Variants in NRG1 observed in about 807,000 individuals in gnomAD.
NRG1 encodes the protein neuregulin 1, also known as pro-neuregulin-1, membrane-bound isoform.
In NRG1, 18 loss-of-function variants were observed where a neutral mutation model predicts 63.8. The observed-to-expected ratio is 0.28, with a 90% CI of 0.19 to 0.42. The LOEUF (loss-of-function observed/expected upper bound fraction) is 0.42. NRG1 is among the 10% of genes least tolerant of loss of function. The pLI is 1.00. For synonymous variants in NRG1, 302 were observed against 301.3 expected (o/e 1.00, Z -0.02); for missense variants, 762 against 814.7 (o/e 0.94, Z 0.79).
At chr8:31,921,951 G>T (rs1286416336) in intron 1 of NRG1, among the ~76,000 whole-genome samples, 2 of 152,080 alleles carry the variant, frequency 1.3e-5, no homozygotes, top group Non-Finnish European at 2.9e-5. Flanking sequence ...TGAAGGAAAA[G>T]AAATTTCTCT....
At chr8:32,045,036 T>C (rs1469982878) in intron 1 of NRG1, among the ~76,000 whole-genome samples, 1 of 151,630 alleles carries the variant, frequency 6.6e-6, no homozygotes, top group Non-Finnish European at 1.5e-5. Flanking sequence ...AACAGGTGGT[T>C]CTTGAAAGAG....
intron 1 of NRG1, among the ~76,000 whole-genome samples, chr8:32,535,419 T>C (rs913834194): frequency 1.3e-5 from 2 of 152,350 alleles, no homozygotes; most frequent in South Asian, 4.1e-4. Context: ...TTCACCTTCA[T>C]GATTGGTGTT....
chr8:32,320,065 C>T (rs541342281), intron 1 of NRG1, among the ~76,000 whole-genome samples: 48 of 152,186 alleles, frequency 3.2e-4, no homozygotes, highest in Admixed American at 2.5e-3. Flanking sequence ...AAGAGCTGTA[C>T]GACTGTGAGC....
intron 1 of NRG1, among the ~76,000 whole-genome samples, chr8:32,082,464 T>C (rs1043721084): frequency 2.1e-4 from 32 of 152,090 alleles, no homozygotes; most frequent in African/African-American, 7.0e-4. Flanking sequence ...TGAGAACATG[T>C]AGTATTTGGT....
chr8:32,684,357 C>G (rs1477772698), intron 5 of NRG1, among the ~76,000 whole-genome samples: 1 of 152,064 alleles, frequency 6.6e-6, no homozygotes, highest in East Asian at 1.9e-4. Flanking sequence ...TTGCTTTTGA[C>G]CTGTGTCATT....
chr8:32,057,173 A>G (rs184916867), intron 1 of NRG1, among the ~76,000 whole-genome samples: 188 of 152,308 alleles, frequency 1.2e-3, no homozygotes, highest in Non-Finnish European at 1.5e-3. Context: ...TTCTAATCCA[A>G]TATGGCAAGC....
rs375018627 is a variant in NRG1, at chr8:32,616,761, C to A, written c.452-74C>A. The A allele has an allele frequency of 8.5e-6, 10 of 1,179,370 alleles. No individual in the cohort carries two copies. In the South Asian group the frequency reaches 1.1e-4, roughly 13 times the overall value. The allele number at this position is 1,179,370 out of a possible 1,614,324, so 73.1% of individuals were successfully genotyped here. On this transcript the variant is annotated intron_variant, in intron 4 of 11. Transcript: ENST00000356819. ...ACTCTTTTACTAGGCGATACCCAAG[C>A]CTGGCAAATTTCTAATTTATGAGTC...
chr8:32,735,023 T>G (rs924860864), intron 6 of NRG1, among the ~76,000 whole-genome samples: 1 of 152,196 alleles, frequency 6.6e-6, no homozygotes, highest in African/African-American at 2.4e-5. Context: ...TGCCAAGTGC[T>G]ATGAAGGATA....
At chr8:32,664,431 G>T (rs1803626460) in intron 5 of NRG1, among the ~76,000 whole-genome samples, 1 of 152,090 alleles carries the variant, frequency 6.6e-6, no homozygotes, top group South Asian at 2.1e-4. Flanking sequence ...TTTCAGGTGG[G>T]AGTAAAGGCC....
At chr8:31,876,830 G>C (rs1303818838) in intron 1 of NRG1, among the ~76,000 whole-genome samples, 2 of 152,162 alleles carry the variant, frequency 1.3e-5, no homozygotes, top group Admixed American at 6.6e-5. Context: ...AAAGAAAGTA[G>C]TTCTGACACT....
intron 7 of NRG1, chr8:32,749,893 T>C (rs527575090): frequency 3.1e-4 from 110 of 349,426 alleles, no homozygotes; most frequent in African/African-American, 2.2e-3. Flanking sequence ...TGCTGTTATA[T>C]AAAAGCTGGG....
chr8:31,645,826 C>T (rs951170076), intron 1 of NRG1, among the ~76,000 whole-genome samples: 4 of 152,130 alleles, frequency 2.6e-5, no homozygotes, highest in South Asian at 2.1e-4. Flanking sequence ...GAAATGTTAC[C>T]TACAGTCTGG....
At chr8:32,651,173 T>C (rs1855035630) in intron 5 of NRG1, among the ~76,000 whole-genome samples, 1 of 152,192 alleles carries the variant, frequency 6.6e-6, no homozygotes, top group Middle Eastern at 3.2e-3. Context: ...GTATAGTGGC[T>C]ATGTCGAATT....
intron 1 of NRG1, among the ~76,000 whole-genome samples, chr8:32,306,166 A>G (rs1233341931): frequency 6.6e-6 from 1 of 152,228 alleles, no homozygotes. Flanking sequence ...AAAGATGGCC[A>G]TAATAAGTAA....
intron 1 of NRG1, among the ~76,000 whole-genome samples, chr8:32,275,902 G>A (rs10097712): frequency 0.077 from 11,745 of 152,140 alleles, 458 homozygotes; most frequent in East Asian, 0.11. Flanking sequence ...TTTCTTTCCT[G>A]TTAATTTGAA....
intron 1 of NRG1, among the ~76,000 whole-genome samples, chr8:32,364,117 T>C (rs1005932480): frequency 6.9e-6 from 1 of 145,332 alleles, no homozygotes; most frequent in African/African-American, 2.6e-5. Context: ...TTTCAAAATG[T>C]CATTATGATC....
At chr8:32,271,035 A>T (rs2129472417) in intron 1 of NRG1, among the ~76,000 whole-genome samples, 1 of 152,226 alleles carries the variant, frequency 6.6e-6, no homozygotes, top group African/African-American at 2.4e-5. Flanking sequence ...ATAGATGAAA[A>T]GTGTTTTGGG....
chr8:32,685,036 A>T (rs1809724618), intron 5 of NRG1, among the ~76,000 whole-genome samples: 4 of 152,142 alleles, frequency 2.6e-5, no homozygotes. Flanking sequence ...CATTCTGCAA[A>T]ACCATGGAAC....
chr8:32,161,162 T>C (rs183826091), intron 1 of NRG1, among the ~76,000 whole-genome samples: 52 of 152,290 alleles, frequency 3.4e-4, no homozygotes, highest in Admixed American at 3.3e-4. Flanking sequence ...TCATTAAGCA[T>C]TGTTTTCTTA....
Sources: allele counts gnomAD v4.1 joint callset (sites outside exome capture counted in the v4.1 genomes callset), GRCh38; gene constraint gnomAD v4.1.1; transcripts MANE v1.5; gene names NCBI Gene and HGNC (gene_info 2026-07-23, HGNC 2026-07-21).